The following TCF7 variants were observed in gnomAD, a reference collection of about 807,000 sequenced individuals.
TCF7 encodes the protein T-cell-factor-7.
A neutral mutation model predicts 46.8 loss-of-function variants in TCF7; 19 were observed. That is an observed-to-expected ratio of 0.41 (90% CI 0.28 to 0.60). The LOEUF is 0.60. Among genes scored for constraint, TCF7 ranks in the 20% least tolerant of loss-of-function variants. TCF7 has a pLI of 0.35. For missense variants in TCF7, 547 were observed against 504.6 expected, an observed-to-expected ratio of 1.08 and a Z score of -0.81; for synonymous variants, 245 against 213.4, an observed-to-expected ratio of 1.15 and a Z score of -1.29.
At position 134,144,856 on chromosome 5, in the gene TCF7, TGTG is replaced by T. The variant is rs751721393; in HGVS notation, c.1075+1219_1075+1221del. On this transcript the variant is annotated intron_variant, in intron 9 of 9. Transcript: ENST00000342854. ...TGGCCTCAACCAGCAGACGGATTGG[TGTG>T]GTCCGTGCAGGTGGGTTTGTCCCCA... 10 of 1,614,134 alleles carry T rather than the reference TGTG, an allele frequency of 6.2e-6. No individual in the cohort carries two copies. The Admixed American group carries it at 1.2e-4, about 19-fold the overall frequency.
rs538154434 is a variant in TCF7, at chr5:134,137,897, C to T, written c.442-162C>T. 3.8e-5 allele frequency: 19 copies of T among 500,182 alleles called. 1 individual carries two copies. The South Asian group carries it at 7.2e-4, about 19-fold the overall frequency. 31.0% of individuals were successfully genotyped at this position (500,182 alleles called of 1,614,324 possible). ...GGGCAAAGTCTTGGGGGCTAGTGGG[C>T]GGGGTACTGGACACTGTGACTTGAG... On this transcript the variant is annotated intron_variant, in intron 3 of 9. Coordinates refer to ENST00000342854, the MANE Select transcript of TCF7 (RefSeq NM_003202.5).
At chr5:134,144,926 C>A in intron 9 of TCF7, 1 of 1,465,070 alleles carries the variant, frequency 6.8e-7, no homozygotes, top group Non-Finnish European at 9.6e-7. Flanking sequence ...CCTGACTCTG[C>A]ACATGTTCCA....
intron 5 of TCF7, chr5:134,140,622 C>A (rs925736117): frequency 4.5e-5 from 16 of 356,336 alleles, no homozygotes; most frequent in Non-Finnish European, 8.9e-5. Context: ...AGCACCCATA[C>A]AAGTTTATAG....
At chr5:134,144,689 TCTATAACTGG>T in intron 9 of TCF7, 1 of 815,608 alleles carries the variant, frequency 1.2e-6, no homozygotes, top group Non-Finnish European at 2.1e-6. Flanking sequence ...CTGTAGGGTG[TCTATAACTGG>T]CTAACACTGA....
At chr5:134,138,221 C>T in intron 4 of TCF7, 57 bp downstream of exon 4, 2 of 1,515,422 alleles carry the variant, frequency 1.3e-6, no homozygotes, top group South Asian at 2.3e-5. Flanking sequence ...GGCCAAGACC[C>T]CAGCTTCTGA....
At position 134,146,254 on chromosome 5, in the gene TCF7, C is replaced by G. The variant is rs755154813; in HGVS notation, c.1106C>G (p.Pro369Arg). ...AAAAGAAATGCATTCGGTACTTACCCGGAGAAGGCCGCTGCCCCAGCCCCG... is the reference window on the plus strand; with the variant it reads ...AAAAGAAATGCATTCGGTACTTACCGGGAGAAGGCCGCTGCCCCAGCCCCG... ...GGKRNAFGTY[P>R]EKAAAPAPFL... Residue 369 changes from proline (P) to arginine (R), a missense_variant, in exon 10 of 10, where the codon CCG becomes CGG. Pro to Arg is a moderately radical substitution (Grantham distance 103). Around this residue, in one of 3 missense-constraint regions of TCF7, gnomAD observed 90 missense variants for 88.8 expected, o/e 1.01. Transcript: ENST00000342854. The G allele has an allele frequency of 1.9e-6, 3 of 1,614,200 alleles. No homozygotes were observed. The highest frequency in any genetic ancestry group is 2.5e-6 in the Non-Finnish European group (3 of 1,180,040).
In TCF7 at chr5:134,119,425, A is replaced by G. The variant is rs144948798; in HGVS notation, c.441+3392A>G. On this transcript the variant is annotated intron_variant, in intron 3 of 9. Transcript: ENST00000342854. ...AATTAGATCGTGGTGGCAGCTGCACAATCTTATGAATATACTAAAAGCCAC... is the reference window on the plus strand; with the variant it reads ...AATTAGATCGTGGTGGCAGCTGCACGATCTTATGAATATACTAAAAGCCAC... 3.9e-5 allele frequency among the ~76,000 whole-genome samples: 6 copies of G among 152,338 alleles called. No homozygotes were observed. In the East Asian group the frequency reaches 1.2e-3, roughly 29 times the overall value.
chr5:134,142,107 T>TATGC (rs1185863760), intron 5 of TCF7, 78 bp from the exon 6 acceptor site: 3 of 1,593,128 alleles, frequency 1.9e-6, no homozygotes, highest in Non-Finnish European at 2.6e-6. Context: ...AGTTATGTAT[T>TATGC]ATGCAGGGGC....
chr5:134,124,159 G>A (rs77511417), intron 3 of TCF7, among the ~76,000 whole-genome samples: 316 of 152,294 alleles, frequency 2.1e-3, no homozygotes, highest in Non-Finnish European at 3.5e-3. Flanking sequence ...CAGAGCTCCA[G>A]GGTCCCAGGG....
chr5:134,132,680 G>A (rs928281529), intron 3 of TCF7, among the ~76,000 whole-genome samples: 8 of 151,816 alleles, frequency 5.3e-5, no homozygotes, highest in African/African-American at 1.5e-4. Flanking sequence ...AGACCGCTGC[G>A]GTCTACAGGG....
chr5:134,130,108 G>A (rs755296837), intron 3 of TCF7, among the ~76,000 whole-genome samples: 3 of 152,262 alleles, frequency 2.0e-5, no homozygotes, highest in African/African-American at 4.8e-5. Flanking sequence ...TGGAGCGGGG[G>A]CTAGGGATAA....
At position 134,141,056 on chromosome 5, in the gene TCF7, G is replaced by A. The variant is rs78091684; in HGVS notation, c.636-1129G>A. 6.0e-3 allele frequency: 1,867 copies of A among 313,648 alleles called. 14 individuals are homozygous for A. The highest frequency in any genetic ancestry group is 8.9e-3 in the Non-Finnish European group (1,424 of 159,706). The allele number at this position is 313,648 out of a possible 1,614,324, so 19.4% of individuals were successfully genotyped here. On this transcript the variant is annotated intron_variant, in intron 5 of 9. Transcript: ENST00000342854. ...TCCTGTGCCTGAGAATGAAGCTAGT[G>A]CAAGTGCCAAGAGGCCTCAGCCTGG...
At chr5:134,127,132 C>T (rs977700138) in intron 3 of TCF7, among the ~76,000 whole-genome samples, 2 of 152,180 alleles carry the variant, frequency 1.3e-5, no homozygotes, top group East Asian at 1.9e-4. Flanking sequence ...TGGGTGGTAC[C>T]CCCAGCACAC....
At chr5:134,136,475 A>C (rs573987579) in intron 3 of TCF7, among the ~76,000 whole-genome samples, 2 of 152,074 alleles carry the variant, frequency 1.3e-5, no homozygotes, top group East Asian at 3.9e-4. Context: ...CTTCCCCAAG[A>C]CCTGAGGGGA....
At chr5:134,134,791 G>A (rs569484791) in intron 3 of TCF7, among the ~76,000 whole-genome samples, 1 of 152,296 alleles carries the variant, frequency 6.6e-6, no homozygotes, top group South Asian at 2.1e-4. Flanking sequence ...CTAGAGCCAG[G>A]CTTCCCAACC....
chr5:134,136,700 T>C (rs1218180265), intron 3 of TCF7, among the ~76,000 whole-genome samples: 1 of 152,030 alleles, frequency 6.6e-6, no homozygotes, highest in East Asian at 1.9e-4. Context: ...GCCACCCTTC[T>C]CCAGGCCTGG....
chr5:134,123,025 T>G (rs746721441), intron 3 of TCF7, among the ~76,000 whole-genome samples: 2 of 152,258 alleles, frequency 1.3e-5, no homozygotes, highest in Non-Finnish European at 2.9e-5. Context: ...CTTAGTTTTC[T>G]TATCTAAAAC....
At chr5:134,138,814 T>G in intron 4 of TCF7, 137 bp from the exon 5 acceptor site, 1 of 1,355,586 alleles carries the variant, frequency 7.4e-7, no homozygotes, top group Non-Finnish European at 9.9e-7. Flanking sequence ...TCCTCCTGAA[T>G]AAACTAGTTT....
Position 134,147,456 on chromosome 5 carries a change from A to C in TCF7, c.*1153A>C, listed in dbSNP as rs1362588141. On this transcript the variant is annotated 3_prime_UTR_variant, in exon 10 of 10. Coordinates refer to ENST00000342854, the MANE Select transcript of TCF7 (RefSeq NM_003202.5). The stretch of plus-strand genomic sequence containing the variant: ...AAACCCAAAACCTCATGACAGCCAG[A>C]GCCTGTCTTTCAGCATTCAGTCCGC... The C allele has an allele frequency of 6.6e-6, 1 of 152,596 alleles. No individual in the cohort carries two copies. The highest frequency in any genetic ancestry group is 1.5e-5 in the Non-Finnish European group (1 of 68,072). 9.5% of individuals were successfully genotyped at this position (152,596 alleles called of 1,614,324 possible).
Sources: allele counts gnomAD v4.1 joint callset (sites outside exome capture counted in the v4.1 genomes callset), GRCh38; gene constraint gnomAD v4.1.1; regional missense constraint gnomAD v4.1.1; transcripts MANE v1.5; gene names NCBI Gene and HGNC (gene_info 2026-07-23, HGNC 2026-07-21).